ERC2: variants seen among roughly 807,000 people sequenced by gnomAD.
The protein encoded by ERC2 is ELKS/RAB6-interacting/CAST family member 2.
In ERC2, 42 loss-of-function variants were observed where a neutral mutation model predicts 114.8. That is an observed-to-expected ratio of 0.37 (90% CI 0.29 to 0.47). The LOEUF (loss-of-function observed/expected upper bound fraction) is 0.47, where lower values mean the gene tolerates loss of function less well. Ranked by LOEUF, ERC2 falls within the 20% of genes least tolerant of loss-of-function variation. The pLI is 0.99. For synonymous variants in ERC2, 454 were observed against 425.5 expected (o/e 1.07, Z -0.82); for missense variants, 939 against 1,150.7 (o/e 0.82, Z 2.66).
chr3:56,000,563 TA>T (rs2071959394), intron 10 of ERC2, among the ~76,000 whole-genome samples: 2 of 152,060 alleles, frequency 1.3e-5, no homozygotes, highest in Non-Finnish European at 2.9e-5. Context: ...CAGTAGTTAT[TA>T]AAGAAAGAAA....
intron 14 of ERC2, among the ~76,000 whole-genome samples, chr3:55,848,571 A>G (rs1367776680): frequency 6.6e-6 from 1 of 151,694 alleles, no homozygotes; most frequent in Non-Finnish European, 1.5e-5. Flanking sequence ...CCCTGCATTC[A>G]CTCCTATCCA....
At chr3:55,967,626 A>T (rs2068837510) in intron 12 of ERC2, among the ~76,000 whole-genome samples, 1 of 152,228 alleles carries the variant, frequency 6.6e-6, no homozygotes, top group African/African-American at 2.4e-5. Flanking sequence ...ACCCATGAAG[A>T]AAGCAACATT....
chr3:56,356,349 G>A (rs937149455), intron 2 of ERC2, among the ~76,000 whole-genome samples: 2 of 152,212 alleles, frequency 1.3e-5, no homozygotes, highest in East Asian at 3.8e-4. Flanking sequence ...GAGGGCCTGG[G>A]GTAAAGTGGC....
chr3:56,263,278 T>C (rs2053066103), intron 3 of ERC2, among the ~76,000 whole-genome samples: 1 of 150,656 alleles, frequency 6.6e-6, no homozygotes, highest in Non-Finnish European at 1.5e-5. Context: ...GAGCAACAAT[T>C]CAGCAACTGT....
chr3:55,799,937 T>A (rs1279997140), intron 14 of ERC2, among the ~76,000 whole-genome samples: 1 of 152,134 alleles, frequency 6.6e-6, no homozygotes, highest in African/African-American at 2.4e-5. Flanking sequence ...AGGGATTCAC[T>A]GGGGTGCCCT....
At chr3:55,692,214 TGCATTCACAGAGA>T in intron 16 of ERC2, among the ~76,000 whole-genome samples, 1 of 152,280 alleles carries the variant, frequency 6.6e-6, no homozygotes, top group Non-Finnish European at 1.5e-5. Flanking sequence ...AAGCTGGCCC[TGCATTCACAGAGA>T]GGGGCTCAGT....
intron 14 of ERC2, among the ~76,000 whole-genome samples, chr3:55,859,354 T>A (rs1477147739): frequency 6.6e-6 from 1 of 152,046 alleles, no homozygotes; most frequent in African/African-American, 2.4e-5. Context: ...TGTTTACTGT[T>A]TTTGAACACC....
chr3:55,878,985 A>C (rs1290748881), intron 14 of ERC2, among the ~76,000 whole-genome samples: 1 of 152,162 alleles, frequency 6.6e-6, no homozygotes, highest in Non-Finnish European at 1.5e-5. Flanking sequence ...ATGAAAAATA[A>C]ATGCCTAAAA....
At chr3:55,650,524 A>G (rs1406111315) in intron 17 of ERC2, among the ~76,000 whole-genome samples, 1 of 152,076 alleles carries the variant, frequency 6.6e-6, no homozygotes, top group African/African-American at 2.4e-5. Flanking sequence ...TGTACTTACC[A>G]CTGTCTAAAA....
intron 3 of ERC2, among the ~76,000 whole-genome samples, chr3:56,180,584 A>G (rs535393180): frequency 6.6e-6 from 1 of 152,324 alleles, no homozygotes; most frequent in African/African-American, 2.4e-5. Flanking sequence ...GATCTCACTT[A>G]TGATAGGTAT....
At chr3:56,349,149 G>A (rs1423372430) in intron 2 of ERC2, among the ~76,000 whole-genome samples, 1 of 152,146 alleles carries the variant, frequency 6.6e-6, no homozygotes, top group African/African-American at 2.4e-5. Flanking sequence ...TATTTTTTAA[G>A]TAATATTTAC....
chr3:56,332,973 G>C (rs2057693701), intron 2 of ERC2, among the ~76,000 whole-genome samples: 1 of 152,204 alleles, frequency 6.6e-6, no homozygotes, highest in Non-Finnish European at 1.5e-5. Flanking sequence ...AGAAAGAACA[G>C]AGAATTTCTC....
chr3:55,796,057 C>T (rs2070449885), intron 14 of ERC2, among the ~76,000 whole-genome samples: 2 of 152,130 alleles, frequency 1.3e-5, no homozygotes, highest in Admixed American at 1.3e-4. Flanking sequence ...TGGTGAGCAA[C>T]AGTGAGAAGT....
intron 17 of ERC2, among the ~76,000 whole-genome samples, chr3:55,583,898 C>A (rs1174230390): frequency 1.3e-5 from 2 of 152,074 alleles, no homozygotes; most frequent in Non-Finnish European, 2.9e-5. Flanking sequence ...GCCCCCCTCC[C>A]AAAACAGGTA....
In ERC2 at chr3:56,311,231, T is replaced by TTC. The variant is rs370683995; in HGVS notation, c.658-14798_658-14797dup. 9.7e-3 allele frequency among the ~76,000 whole-genome samples: 929 copies of TTC among 96,074 alleles called. 11 individuals are homozygous for TTC. Among genetic ancestry groups the TTC allele is most frequent in the African/African-American group, 0.023 (456 of 20,080 alleles). 63.0% of individuals were successfully genotyped at this position (96,074 alleles called of 152,430 possible). A position where few individuals can be genotyped will look rare whatever the true frequency, so the allele number is the denominator to read the frequency against. On this transcript the variant is annotated intron_variant, in intron 2 of 17. Coordinates refer to ENST00000288221, the MANE Select transcript of ERC2 (RefSeq NM_015576.3). ...CAGTGTTCTTGGGATATCCATCATC[T>TTC]TCTCTCTCTCTCTCTCTCTCTCTCT... is the stretch of plus-strand genomic sequence containing the variant.
chr3:55,588,179 C>T (rs2057693545), intron 17 of ERC2, among the ~76,000 whole-genome samples: 1 of 152,054 alleles, frequency 6.6e-6, no homozygotes, highest in South Asian at 2.1e-4. Flanking sequence ...CCCCAAGAAA[C>T]CAGCTGAAGG....
chr3:56,453,969 A>G (rs1284263158), intron 1 of ERC2, among the ~76,000 whole-genome samples: 1 of 152,088 alleles, frequency 6.6e-6, no homozygotes, highest in Non-Finnish European at 1.5e-5. Context: ...GCTGTAACTG[A>G]CCCAAGCATG....
At chr3:55,800,608 C>T (rs1302778876) in intron 14 of ERC2, among the ~76,000 whole-genome samples, 8 of 152,124 alleles carry the variant, frequency 5.3e-5, no homozygotes, top group African/African-American at 1.9e-4. Flanking sequence ...ACACCTCCCT[C>T]GTGTTGGAAG....
intron 14 of ERC2, among the ~76,000 whole-genome samples, chr3:55,878,202 C>T (rs1376557102): frequency 6.6e-6 from 1 of 152,180 alleles, no homozygotes. Context: ...AAAGACTATA[C>T]TTCTCTAGCT....
Sources: gnomAD v4.1 joint callset for allele counts (sites outside exome capture counted in the v4.1 genomes callset) on GRCh38, gnomAD v4.1.1 for gene constraint, MANE v1.5 for transcripts, NCBI Gene and HGNC (gene_info 2026-07-23, HGNC 2026-07-21) for gene names.